FBXL4: variants seen among roughly 807,000 people sequenced by gnomAD.
The protein encoded by FBXL4 is F-box and leucine rich repeat protein 4.
A neutral mutation model predicts 58.9 loss-of-function variants in FBXL4; 40 were observed. The ratio of observed to expected loss-of-function variants is 0.68; its 90% CI spans 0.53 to 0.88. FBXL4 has a LOEUF of 0.88. FBXL4 is among the 40% of genes least tolerant of loss of function. The pLI is 0.00. For missense variants in FBXL4, 676 were observed against 734.4 expected (o/e 0.92, Z 0.92); for synonymous variants, 263 against 265.5 (o/e 0.99, Z 0.09).
intron 7 of FBXL4, among the ~76,000 whole-genome samples, chr6:98,881,698 T>A (rs2128379592): frequency 6.6e-6 from 1 of 152,234 alleles, no homozygotes. Context: ...CACAGAGGAC[T>A]ATTATACTTA....
chr6:98,947,587 T>C (rs1773671736), intron 1 of FBXL4, among the ~76,000 whole-genome samples: 3 of 152,094 alleles, frequency 2.0e-5, no homozygotes, highest in Admixed American at 6.5e-5. Context: ...CCGAGGCACG[T>C]CAGCAGTTCT....
intron 5 of FBXL4, among the ~76,000 whole-genome samples, chr6:98,908,526 T>G (rs1771903368): frequency 6.6e-6 from 1 of 152,172 alleles, no homozygotes; most frequent in African/African-American, 2.4e-5. Flanking sequence ...AAATATATCC[T>G]TATAGTAAAT....
chr6:98,926,762 C>A lies in FBXL4; in HGVS notation c.227G>T (p.Trp76Leu). The A allele has an allele frequency of 1.9e-6, 3 of 1,614,182 alleles. No individual in the cohort carries two copies. Among genetic ancestry groups the A allele is most frequent in the Non-Finnish European group, 2.5e-6 (3 of 1,180,038 alleles). ...TACATTTGGTACACCAGCCAAATTC[C>A]ACATAGTATAGGACATACTATTCTC... Reference protein sequence around the residue: ...GSENSMSYTMWNLAGVPNVFP... With the variant: ...GSENSMSYTMLNLAGVPNVFP... The change falls in exon 4 of 10, where the codon TGG (tryptophan) becomes TTG (leucine). Residue 76 changes from tryptophan to leucine, a missense_variant. Transcript: ENST00000369244.
chr6:98,946,819 C>G (rs1773636193), intron 1 of FBXL4, among the ~76,000 whole-genome samples: 2 of 152,182 alleles, frequency 1.3e-5, no homozygotes, highest in Non-Finnish European at 2.9e-5. Context: ...AGTCCTTAAT[C>G]TGATAAAGGA....
chr6:98,883,381 T>A (rs995525440), intron 7 of FBXL4, among the ~76,000 whole-genome samples: 1 of 152,042 alleles, frequency 6.6e-6, no homozygotes, highest in African/African-American at 2.4e-5. Flanking sequence ...CTTTTCACTG[T>A]TTACTGGATT....
chr6:98,905,681 C>T lies in FBXL4; in HGVS notation c.859-11G>A. The T allele has an allele frequency of 6.2e-7, 1 of 1,609,538 alleles. No individual in the cohort carries two copies. On this transcript the variant is annotated splice_polypyrimidine_tract_variant and intron_variant, in intron 5 of 9. Coordinates refer to ENST00000369244, the MANE Select transcript of FBXL4 (RefSeq NM_001278716.2). ...AATCAGCTGAATAAGCTAAATAAGA[C>T]AGAGAAACCAAGATCATCAAGAGTG...
At chr6:98,927,574 T>G (rs901092606) in intron 3 of FBXL4, 131 bp downstream of exon 3, 1 of 153,640 alleles carries the variant, frequency 6.5e-6, no homozygotes, top group African/African-American at 2.4e-5. Context: ...CCAGATGAAC[T>G]ACATTAACTG....
chr6:98,925,037 G>C lies in FBXL4; in HGVS notation c.512+1440C>G, dbSNP rs192932554. On this transcript the variant is annotated intron_variant, in intron 4 of 9. Coordinates refer to ENST00000369244, the MANE Select transcript of FBXL4 (RefSeq NM_001278716.2). ...TTTAATGAACGAGTGATTTAATAAA[G>C]TGATATGAAGTCCTAGAAACTGCTA... is the stretch of plus-strand genomic sequence containing the variant. 2.6e-5 allele frequency among the ~76,000 whole-genome samples: 4 copies of C among 152,328 alleles called. No homozygotes were observed. In the East Asian group the frequency reaches 5.8e-4, roughly 22 times the overall value.
intron 4 of FBXL4, among the ~76,000 whole-genome samples, chr6:98,918,634 T>A (rs1772463721): frequency 6.6e-6 from 1 of 152,152 alleles, no homozygotes; most frequent in Non-Finnish European, 1.5e-5. Context: ...TAATATTATT[T>A]CTAATAAAGA....
At chr6:98,933,807 G>A (rs900959596) in intron 2 of FBXL4, among the ~76,000 whole-genome samples, 1 of 152,032 alleles carries the variant, frequency 6.6e-6, no homozygotes, top group Admixed American at 6.5e-5. Flanking sequence ...GAATTAAAAT[G>A]AATAAGTTTA....
intron 5 of FBXL4, among the ~76,000 whole-genome samples, chr6:98,911,919 A>G (rs1306649454): frequency 1.3e-5 from 2 of 152,214 alleles, no homozygotes; most frequent in Non-Finnish European, 2.9e-5. Context: ...AAGAAGTTAA[A>G]AACTTTGAAA....
intron 6 of FBXL4, among the ~76,000 whole-genome samples, chr6:98,901,566 ACTTT>A (rs1771613022): frequency 6.6e-6 from 1 of 152,126 alleles, no homozygotes; most frequent in African/African-American, 2.4e-5. Context: ...TACCTTTCTG[ACTTT>A]CTTTCTCTCT....
chr6:98,881,272 T>C (rs186611321), intron 7 of FBXL4, among the ~76,000 whole-genome samples: 33 of 152,254 alleles, frequency 2.2e-4, no homozygotes, highest in African/African-American at 7.0e-4. Flanking sequence ...GCAATGAAAA[T>C]GGTCTCACCA....
chr6:98,900,275 A>T (rs989063181), intron 6 of FBXL4, among the ~76,000 whole-genome samples: 1 of 152,148 alleles, frequency 6.6e-6, no homozygotes, highest in African/African-American at 2.4e-5. Context: ...AGCAAACTGA[A>T]CCCTCTTAAC....
At chr6:98,926,257 A>G (rs1248818167) in intron 4 of FBXL4, among the ~76,000 whole-genome samples, 1 of 152,230 alleles carries the variant, frequency 6.6e-6, no homozygotes, top group Non-Finnish European at 1.5e-5. Context: ...TACAAATATC[A>G]TAAGCCATGA....
intron 7 of FBXL4, among the ~76,000 whole-genome samples, chr6:98,890,710 G>A (rs1262128306): frequency 6.6e-6 from 1 of 152,144 alleles, no homozygotes; most frequent in Non-Finnish European, 1.5e-5. Flanking sequence ...CTTGAGGTCA[G>A]GAGTTCAAGA....
chr6:98,926,213 A>C (rs1772773303), intron 4 of FBXL4, among the ~76,000 whole-genome samples: 1 of 152,152 alleles, frequency 6.6e-6, no homozygotes, highest in Non-Finnish European at 1.5e-5. Flanking sequence ...ATGAGTTCAA[A>C]TTGTGCTTTT....
At chr6:98,904,583 G>A (rs1320501685) in intron 6 of FBXL4, among the ~76,000 whole-genome samples, 2 of 152,112 alleles carry the variant, frequency 1.3e-5, no homozygotes, top group African/African-American at 4.8e-5. Flanking sequence ...AATGTACACT[G>A]GGGATATGTG....
intron 5 of FBXL4, among the ~76,000 whole-genome samples, chr6:98,910,880 C>T (rs1772024636): frequency 6.6e-6 from 1 of 152,160 alleles, no homozygotes; most frequent in African/African-American, 2.4e-5. Flanking sequence ...CGAGGCATTG[C>T]CTCACTTGGG....
Sources: allele counts gnomAD v4.1 joint callset (sites outside exome capture counted in the v4.1 genomes callset), GRCh38; gene constraint gnomAD v4.1.1; transcripts MANE v1.5; gene names NCBI Gene and HGNC (gene_info 2026-07-23, HGNC 2026-07-21).